The following FHAD1 variants were observed in gnomAD, a reference collection of about 807,000 sequenced individuals.
The protein encoded by FHAD1 is forkhead associated phosphopeptide binding domain 1.
Under a neutral mutation model 191.3 loss-of-function variants are expected in FHAD1, and 146 were observed. The observed-to-expected ratio is 0.76, with a 90% CI of 0.67 to 0.88. The LOEUF is 0.88. FHAD1 is among the 40% of genes least tolerant of loss of function. FHAD1 has a pLI of 0.00. For synonymous variants in FHAD1, 616 were observed against 672.3 expected (o/e 0.92, Z 1.29); for missense variants, 1,635 against 1,785.8 (o/e 0.92, Z 1.52).
At chr1:15,382,564 T>C (rs993546633) in intron 31 of FHAD1, among the ~76,000 whole-genome samples, 1 of 152,124 alleles carries the variant, frequency 6.6e-6, no homozygotes, top group Non-Finnish European at 1.5e-5. Flanking sequence ...CCAGTAAATA[T>C]TTGGTGAACG....
At chr1:15,263,921 G>C (rs1652287673) in intron 2 of FHAD1, among the ~76,000 whole-genome samples, 1 of 152,158 alleles carries the variant, frequency 6.6e-6, no homozygotes, top group South Asian at 2.1e-4. Context: ...TGACACCCTT[G>C]TCGAAAATCA....
rs139789849 is a variant in FHAD1, at chr1:15,376,728, A to G, written c.3705+998A>G. On this transcript the variant is annotated intron_variant, in intron 28 of 33. Transcript: ENST00000688493. ...AGAGGAAAAACTTAATAAATGATAG[A>G]TGTTATTATTAAAATTATTTAAATA... is the stretch of plus-strand genomic sequence containing the variant. Among the ~76,000 whole-genome samples, 302 of 152,298 alleles carry G rather than the reference A, an allele frequency of 2.0e-3. 4 individuals carry two copies. In the East Asian group the frequency reaches 0.04, roughly 20 times the overall value.
rs1456833093 is a variant in FHAD1 at position 15,317,861 on chromosome 1, G to C, written c.1298G>C (p.Arg433Thr). Residue 433 changes from arginine (R) to threonine (T), a missense_variant, in exon 10 of 34, where the codon AGG becomes ACG. Transcript: ENST00000688493. ...ATGGAGAAAGAAATGAAGAAGCTTA[G>C]GGCAGAGCTGAGGAAGAGTTGTACT... is the stretch of plus-strand genomic sequence containing the variant. ...QDMEKEMKKL[R>T]AELRKSCTEQ... The C allele has an allele frequency of 4.5e-6, 7 of 1,551,632 alleles. No individual in the cohort carries two copies. Among genetic ancestry groups the C allele is most frequent in the Non-Finnish European group, 6.1e-6 (7 of 1,146,994 alleles).
chr1:15,303,848 C>CAAAAAAAAAAAAAAAA (rs765601462), intron 6 of FHAD1, among the ~76,000 whole-genome samples: 87 of 104,402 alleles, frequency 8.3e-4, no homozygotes, highest in African/African-American at 2.5e-3. Context: ...GACTCTGTCT[C>CAAAAAAAAAAAAAAAA]AAAAAAAAAA....
intron 1 of FHAD1, among the ~76,000 whole-genome samples, chr1:15,249,076 C>T (rs1646451482): frequency 3.3e-5 from 5 of 152,108 alleles, no homozygotes. Flanking sequence ...AAAAACAACA[C>T]AGTTTGGGCT....
chr1:15,343,530 ATG>A (rs1294465974), intron 16 of FHAD1, among the ~76,000 whole-genome samples: 2 of 151,854 alleles, frequency 1.3e-5, no homozygotes, highest in African/African-American at 4.8e-5. Flanking sequence ...CCATCCTCAC[ATG>A]TGTGTCCAGT....
At chr1:15,297,541 T>C (rs1667351334) in intron 5 of FHAD1, among the ~76,000 whole-genome samples, 1 of 152,142 alleles carries the variant, frequency 6.6e-6, no homozygotes, top group African/African-American at 2.4e-5. Flanking sequence ...TCTGCAGCAA[T>C]GGTGAGTAAG....
chr1:15,293,627 A>G (rs1665819139), intron 4 of FHAD1, among the ~76,000 whole-genome samples: 1 of 152,198 alleles, frequency 6.6e-6, no homozygotes, highest in Non-Finnish European at 1.5e-5. Context: ...CTGAGGCAGG[A>G]GAATCGCTTG....
intron 1 of FHAD1, among the ~76,000 whole-genome samples, chr1:15,241,253 C>T (rs1179741664): frequency 6.6e-6 from 1 of 152,228 alleles, no homozygotes; most frequent in African/African-American, 2.4e-5. Context: ...CTTGAAGAGA[C>T]ATGCTTGACT....
rs1271366303 is a variant in FHAD1, at chr1:15,289,942, CTG to C, written c.568+286_568+287del. ...AGGGCACCTGCAGTGGGTGTGGCCTCTGTGTGTGTGTACATATGAGTGTGTCA... is the reference window on the plus strand; with the variant it reads ...AGGGCACCTGCAGTGGGTGTGGCCTCTGTGTGTGTACATATGAGTGTGTCA... On this transcript the variant is annotated intron_variant, in intron 4 of 33. Transcript: ENST00000688493. This position sits in a 1 kb window ranked among gnomAD's most constrained non-coding sequence, Gnocchi z 4.2. Among the ~76,000 whole-genome samples, 1 of 152,106 alleles carries C rather than the reference CTG, an allele frequency of 6.6e-6. No individual in the cohort carries two copies.
chr1:15,293,588 C>A (rs189659392), intron 4 of FHAD1, among the ~76,000 whole-genome samples: 8 of 151,966 alleles, frequency 5.3e-5, no homozygotes, highest in East Asian at 1.9e-4. Context: ...TGTGGTGGCA[C>A]GCACCTGTAA....
At chr1:15,257,329 A>G (rs1188729290) in intron 2 of FHAD1, among the ~76,000 whole-genome samples, 1 of 152,214 alleles carries the variant, frequency 6.6e-6, no homozygotes, top group Non-Finnish European at 1.5e-5. Flanking sequence ...GAGGCGAAAC[A>G]TGGTATCCGT....
At position 15,329,656 on chromosome 1, in the gene FHAD1, C is replaced by G. The variant is rs1315779239; in HGVS notation, c.1906+115C>G. The G allele has an allele frequency of 2.2e-6, 2 of 923,546 alleles. No individual in the cohort carries two copies. Among genetic ancestry groups the G allele is most frequent in the Non-Finnish European group, 3.3e-6 (2 of 614,212 alleles). The allele number at this position is 923,546 out of a possible 1,614,324, so 57.2% of individuals were successfully genotyped here. A position where few individuals can be genotyped will look rare whatever the true frequency, so the allele number is the denominator to read the frequency against. ...TCCTGGGTATCTGGCCAAGTCTATT[C>G]CCTTCTCCAGAACCCCCTGCTTCTC... is the stretch of plus-strand genomic sequence containing the variant. On this transcript the variant is annotated intron_variant, in intron 14 of 33. Transcript: ENST00000688493. This position sits in a 1 kb window ranked among gnomAD's most constrained non-coding sequence, Gnocchi z 5.0.
chr1:15,318,007 G>T lies in FHAD1; in HGVS notation c.1365+79G>T. The T allele has an allele frequency of 1.1e-6, 1 of 907,306 alleles. No homozygotes were observed. 56.2% of individuals were successfully genotyped at this position (907,306 alleles called of 1,614,324 possible). On this transcript the variant is annotated intron_variant, in intron 10 of 33. Coordinates refer to ENST00000688493, the MANE Select transcript of FHAD1 (RefSeq NM_001391957.1). This position sits in a 1 kb window ranked among gnomAD's most constrained non-coding sequence, Gnocchi z 4.1. ...ATCATCCCTGTTAGTCCTCTAAGTG[G>T]ACTATGCTGGTATTAACCCTTCTTA...
intron 31 of FHAD1, chr1:15,383,249 G>T: frequency 2.1e-6 from 1 of 469,656 alleles, no homozygotes. Flanking sequence ...TCTCGCTGTC[G>T]TCATACCTCA....
chr1:15,301,308 T>G lies in FHAD1; in HGVS notation c.782T>G (p.Val261Gly). Residue 261 changes from valine to glycine, a missense_variant, in exon 6 of 34, where the codon GTG (valine) becomes GGG (glycine). By Grantham distance (109) the Val-to-Gly change is moderately radical. Coordinates refer to ENST00000688493, the MANE Select transcript of FHAD1 (RefSeq NM_001391957.1). ...ATAATAGCAAACCTGCAGAATGAAG[T>G]GGCTGAGCTGAGTCAGAAGGTGTCA... Reference protein sequence around the residue: ...DVIIANLQNEVAELSQKVSET... With the variant: ...DVIIANLQNEGAELSQKVSET... The G allele has an allele frequency of 6.4e-7, 1 of 1,551,682 alleles. No individual in the cohort carries two copies. The highest frequency in any genetic ancestry group is 8.7e-7 in the Non-Finnish European group (1 of 1,146,990).
At chr1:15,275,257 T>C (rs751668868) in intron 3 of FHAD1, among the ~76,000 whole-genome samples, 3 of 152,024 alleles carry the variant, frequency 2.0e-5, no homozygotes, top group Non-Finnish European at 2.9e-5. Flanking sequence ...CCACCGCGCC[T>C]GGCCAACAAA....
chr1:15,402,291 T>C (rs142236460), downstream of FHAD1, among the ~76,000 whole-genome samples: 103 of 152,370 alleles, frequency 6.8e-4, 1 homozygote, highest in African/African-American at 2.2e-3. Flanking sequence ...GTTGGAATCA[T>C]TAATTTACTG....
chr1:15,393,546 C>T (rs1483739962), intron 33 of FHAD1, among the ~76,000 whole-genome samples: 1 of 151,398 alleles, frequency 6.6e-6, no homozygotes, highest in Non-Finnish European at 1.5e-5. Flanking sequence ...CTGAGAAACA[C>T]AGAGTTAGAC....
Sources: gnomAD v4.1 joint callset for allele counts (sites outside exome capture counted in the v4.1 genomes callset) on GRCh38, gnomAD v4.1.1 for gene constraint, Gnocchi (gnomAD v3.1) non-coding constraint, MANE v1.5 for transcripts, NCBI Gene and HGNC (gene_info 2026-07-23, HGNC 2026-07-21) for gene names.